DDX10: variants seen among roughly 807,000 people sequenced by gnomAD.
The protein encoded by DDX10 is DEAD-box helicase 10.
DDX10 carries 74 observed loss-of-function variants against 104.3 expected under a neutral mutation model. The observed-to-expected ratio is 0.71, with a 90% confidence interval of 0.59 to 0.86. The LOEUF is 0.86. DDX10 is among the 40% of genes least tolerant of loss of function. The probability of loss-of-function intolerance (pLI) is 0.00; values close to 1 mark genes in which losing one functional copy is unlikely to be tolerated. For missense variants in DDX10, 952 were observed against 1,040.0 expected (o/e 0.92, Z 1.16); for synonymous variants, 351 against 353.4 (o/e 0.99, Z 0.08).
chr11:108,708,791 C>G (rs1052563611), intron 10 of DDX10, among the ~76,000 whole-genome samples: 17 of 152,118 alleles, frequency 1.1e-4, no homozygotes, highest in Admixed American at 5.9e-4. Flanking sequence ...TGGTCTCGAA[C>G]TCCTGGCCTC....
intron 7 of DDX10, 62 bp from the exon 8 acceptor site, chr11:108,691,814 A>C: frequency 3.4e-6 from 5 of 1,478,248 alleles, no homozygotes; most frequent in Non-Finnish European, 4.6e-6. Context: ...TACGTTGATA[A>C]GAGAAAAGCT....
chr11:108,916,487 A>G (rs1450848284), intron 16 of DDX10, among the ~76,000 whole-genome samples: 6 of 152,220 alleles, frequency 3.9e-5, no homozygotes, highest in Admixed American at 1.3e-4. Flanking sequence ...AGAGGTTATC[A>G]AAGAATGTTA....
intron 17 of DDX10, among the ~76,000 whole-genome samples, chr11:108,924,537 T>A (rs1863883022): frequency 6.6e-6 from 1 of 152,210 alleles, no homozygotes; most frequent in Non-Finnish European, 1.5e-5. Flanking sequence ...TCTGCATGTT[T>A]GTTCTTTTAT....
At chr11:108,918,223 G>T (rs995093451) in intron 17 of DDX10, 3 of 572,704 alleles carry the variant, frequency 5.2e-6, no homozygotes, top group Non-Finnish European at 9.1e-6. Context: ...GGGCCTTTTT[G>T]ATTATTTCTA....
At chr11:108,677,403 C>A (rs761331483) in intron 4 of DDX10, among the ~76,000 whole-genome samples, 160 bp downstream of exon 4, 1 of 152,154 alleles carries the variant, frequency 6.6e-6, no homozygotes, top group South Asian at 2.1e-4. Flanking sequence ...TATCTACGAT[C>A]TGGTTGCCAA....
chr11:108,678,370 C>A lies in DDX10; in HGVS notation c.593C>A (p.Pro198Gln). Residue 198 changes from proline (P) to glutamine (Q), a missense_variant, in exon 5 of 18, where the codon CCA becomes CAA. Physicochemically the swap from Pro to Gln is moderately conservative, Grantham distance 76 (BLOSUM62 -1). Around this residue, in one of 3 missense-constraint regions of DDX10, gnomAD observed 412 missense variants for 479.2 expected, o/e 0.86. Coordinates refer to ENST00000322536, the MANE Select transcript of DDX10 (RefSeq NM_004398.4). ...INNINILVCT[P>Q]GRLLQHMDET... ...AACATAAATATACTCGTGTGCACACCAGGTCGGCTTCTTCAACACATGGAT... is the reference window on the plus strand; with the variant it reads ...AACATAAATATACTCGTGTGCACACAAGGTCGGCTTCTTCAACACATGGAT... 3.1e-6 allele frequency: 5 copies of A among 1,612,790 alleles called. No homozygotes were observed. Among genetic ancestry groups the A allele is most frequent in the Non-Finnish European group, 4.2e-6 (5 of 1,179,434 alleles).
chr11:108,698,160 T>G (rs1322497731), intron 9 of DDX10, among the ~76,000 whole-genome samples: 1 of 152,216 alleles, frequency 6.6e-6, no homozygotes, highest in Non-Finnish European at 1.5e-5. Flanking sequence ...TAATAACTTC[T>G]GAAGAGTTCA....
intron 13 of DDX10, among the ~76,000 whole-genome samples, chr11:108,809,758 A>G (rs1565285705): frequency 6.6e-6 from 1 of 152,192 alleles, no homozygotes; most frequent in African/African-American, 2.4e-5. Flanking sequence ...GTTCTTATGT[A>G]GCAGTGTCTG....
chr11:108,693,924 G>T (rs2094256229), intron 9 of DDX10, among the ~76,000 whole-genome samples: 1 of 152,174 alleles, frequency 6.6e-6, no homozygotes, highest in South Asian at 2.1e-4. Context: ...ATCCTCAGGG[G>T]TTATGTTCCA....
rs1212666138 is a variant in DDX10 at position 108,723,059 on chromosome 11, C to G, written c.1562C>G (p.Thr521Ser). 1 of 1,613,256 alleles carries G rather than the reference C, an allele frequency of 6.2e-7. No homozygotes were observed. ...CTTCAGAAAATGCAGAAACAACCCACCAAAGAATTGGTAAGGAGCCAAGCC... is the reference window on the plus strand; with the variant it reads ...CTTCAGAAAATGCAGAAACAACCCAGCAAAGAATTGGTAAGGAGCCAAGCC... ...RFLQKMQKQP[T>S]KELVRSQADK... Residue 521 changes from threonine to serine, a missense_variant, in exon 13 of 18, where the codon ACC becomes AGC. By Grantham distance (58) the Thr-to-Ser change is moderately conservative. Transcript: ENST00000322536.
At chr11:108,894,902 C>T (rs957205750) in intron 16 of DDX10, among the ~76,000 whole-genome samples, 2 of 151,722 alleles carry the variant, frequency 1.3e-5, no homozygotes, top group African/African-American at 4.8e-5. Flanking sequence ...TTGCTTTTTT[C>T]CCTTTTTTTT....
At chr11:108,912,854 C>T (rs1291819993) in intron 16 of DDX10, among the ~76,000 whole-genome samples, 3 of 152,176 alleles carry the variant, frequency 2.0e-5, no homozygotes, top group Admixed American at 2.0e-4. Flanking sequence ...TCTACCTCCA[C>T]CTCACATGTC....
At chr11:108,866,983 G>A (rs889314424) in intron 16 of DDX10, among the ~76,000 whole-genome samples, 4 of 152,134 alleles carry the variant, frequency 2.6e-5, no homozygotes, top group African/African-American at 7.2e-5. Context: ...AAAGCATCCC[G>A]GGGAGGGCAT....
chr11:108,807,221 A>C (rs1373983484), intron 13 of DDX10, among the ~76,000 whole-genome samples: 1 of 152,148 alleles, frequency 6.6e-6, no homozygotes, highest in East Asian at 1.9e-4. Context: ...CTGGGAATTA[A>C]AGATTTGTAG....
rs1208849582 is a variant in DDX10 at position 108,932,697 on chromosome 11, A to G, written c.2451-7549A>G. On this transcript the variant is annotated intron_variant, in intron 17 of 17. Transcript: ENST00000322536. ...ATACCAATGTTTCTTGTTTTTTCTA[A>G]AGGTCTTTCTCCTTAAAAGAAAACA... Among the ~76,000 whole-genome samples, 3 of 151,972 alleles carry G rather than the reference A, an allele frequency of 2.0e-5. No individual in the cohort carries two copies. In the East Asian group the frequency reaches 5.8e-4, roughly 29 times the overall value.
intron 13 of DDX10, among the ~76,000 whole-genome samples, chr11:108,793,834 C>T (rs1337211039): frequency 1.3e-5 from 2 of 152,056 alleles, no homozygotes; most frequent in African/African-American, 4.8e-5. Context: ...AGACACCCTT[C>T]CCAGCTGTCT....
At chr11:108,902,318 G>A (rs1328440038) in intron 16 of DDX10, among the ~76,000 whole-genome samples, 1 of 152,142 alleles carries the variant, frequency 6.6e-6, no homozygotes, top group Non-Finnish European at 1.5e-5. Context: ...ATGCCTACAA[G>A]CTATGTTTGA....
chr11:108,929,759 A>G (rs1273390999), intron 17 of DDX10: 1 of 152,256 alleles, frequency 6.6e-6, no homozygotes, highest in Non-Finnish European at 1.5e-5. Flanking sequence ...GGATAAAAAA[A>G]GAAAAATCTA....
In DDX10 at chr11:108,678,108, C is replaced by T. The variant is rs116318186; in HGVS notation, c.538-207C>T. ...TGGGTATGAATAAGAATTTAGAACTCTGAGCTCCTTATGTCTTCCTGTAAA... is the reference window on the plus strand; with the variant it reads ...TGGGTATGAATAAGAATTTAGAACTTTGAGCTCCTTATGTCTTCCTGTAAA... On this transcript the variant is annotated intron_variant, in intron 4 of 17. Coordinates refer to ENST00000322536, the MANE Select transcript of DDX10 (RefSeq NM_004398.4). Among the ~76,000 whole-genome samples the T allele has an allele frequency of 2.1e-3, 322 of 152,236 alleles. 1 individual carries two copies. The highest frequency in any genetic ancestry group is 7.3e-3 in the African/African-American group (305 of 41,546).
Sources: allele counts gnomAD v4.1 joint callset (sites outside exome capture counted in the v4.1 genomes callset), GRCh38; gene constraint gnomAD v4.1.1; regional missense constraint gnomAD v4.1.1; transcripts MANE v1.5; gene names NCBI Gene and HGNC (gene_info 2026-07-23, HGNC 2026-07-21).